Variants in SLC3A1 observed in about 807,000 individuals in gnomAD.
SLC3A1 encodes solute carrier family 3 member 1.
A neutral mutation model predicts 60.3 loss-of-function variants in SLC3A1; 78 were observed. That is an observed-to-expected ratio of 1.29 (90% CI 1.08 to 1.56). The LOEUF is 1.56. SLC3A1 is among the 40% of genes most tolerant of loss of function. The probability of loss-of-function intolerance (pLI) is 0.00; values close to 1 mark genes in which losing one functional copy is unlikely to be tolerated. For missense variants in SLC3A1, 1,172 were observed against 858.9 expected (o/e 1.36, Z -4.56); for synonymous variants, 392 against 307.9 (o/e 1.27, Z -2.86).
In SLC3A1 at chr2:44,313,341, A is replaced by T. The variant is rs146503844; in HGVS notation, c.1501-494A>T. On this transcript the variant is annotated intron_variant, in intron 8 of 9. Coordinates refer to ENST00000260649, the MANE Select transcript of SLC3A1 (RefSeq NM_000341.4). ...CCTAGTTAGCTTTCAACTATATGAGATCCAATTTCCCTAATATTTGATTAA... is the reference window on the plus strand; with the variant it reads ...CCTAGTTAGCTTTCAACTATATGAGTTCCAATTTCCCTAATATTTGATTAA... Among the ~76,000 whole-genome samples, 438 of 152,200 alleles carry T rather than the reference A, an allele frequency of 2.9e-3. 2 individuals are homozygous for T. Among genetic ancestry groups the T allele is most frequent in the Non-Finnish European group, 3.9e-3 (265 of 68,006 alleles).
At chr2:44,299,564 G>T (rs1401229724) in intron 4 of SLC3A1, among the ~76,000 whole-genome samples, 1 of 152,132 alleles carries the variant, frequency 6.6e-6, no homozygotes, top group Non-Finnish European at 1.5e-5. Flanking sequence ...ATTGAACAAT[G>T]TGTTATTTTC....
At chr2:44,289,335 C>T (rs1558457331) in intron 4 of SLC3A1, among the ~76,000 whole-genome samples, 1 of 149,402 alleles carries the variant, frequency 6.7e-6, no homozygotes, top group Non-Finnish European at 1.5e-5. Flanking sequence ...CTCAGCCACC[C>T]AAGTAGCTGA....
intron 4 of SLC3A1, among the ~76,000 whole-genome samples, chr2:44,298,377 C>A (rs554861395): frequency 6.8e-6 from 1 of 147,422 alleles, no homozygotes; most frequent in Non-Finnish European, 1.5e-5. Context: ...CCTATCCCTG[C>A]CACTGCCTTT....
chr2:44,304,425 C>CT, intron 7 of SLC3A1, 87 bp downstream of exon 7: 5 of 1,008,692 alleles, frequency 5.0e-6, no homozygotes, highest in South Asian at 1.3e-5. Context: ...ACCTTTGTCT[C>CT]TAAGTGACCA....
Position 44,286,127 on chromosome 2 carries a change from C to T in SLC3A1, c.861C>T (p.Phe287=). The stretch of plus-strand genomic sequence containing the variant: ...TGAAAGAGCAACCTGATTTAAATTT[C>T]CGCAATCCTGATGTTCAAGAAGAAA... ...QFMKEQPDLN[F]RNPDVQEEIK... is the part of the protein sequence containing the mutation. The change falls in exon 4 of 10, where the codon TTC becomes TTT. Residue 287 remains phenylalanine, a synonymous_variant. Transcript: ENST00000260649. 6.2e-7 allele frequency: 1 copy of T among 1,614,010 alleles called. No individual in the cohort carries two copies. Among genetic ancestry groups the T allele is most frequent in the South Asian group, 1.1e-5 (1 of 91,076 alleles).
At chr2:44,300,688 C>T (rs1403825417) in intron 5 of SLC3A1, among the ~76,000 whole-genome samples, 1 of 151,264 alleles carries the variant, frequency 6.6e-6, no homozygotes, top group Non-Finnish European at 1.5e-5. Context: ...CCACTAAGAT[C>T]TTTTTTTTTG....
chr2:44,290,567 C>A (rs1387858259), intron 4 of SLC3A1, among the ~76,000 whole-genome samples: 1 of 152,010 alleles, frequency 6.6e-6, no homozygotes, highest in African/African-American at 2.4e-5. Context: ...CATGAGATGT[C>A]TTTCCATTTA....
chr2:44,292,405 C>G (rs13387773), intron 4 of SLC3A1, among the ~76,000 whole-genome samples: 4,204 of 152,228 alleles, frequency 0.028, 193 homozygotes, highest in African/African-American at 0.094. Context: ...CTATGCCAGG[C>G]ACTTTATTAT....
At chr2:44,300,501 T>A (rs1458859500) in intron 5 of SLC3A1, among the ~76,000 whole-genome samples, 1 of 152,110 alleles carries the variant, frequency 6.6e-6, no homozygotes, top group African/African-American at 2.4e-5. Flanking sequence ...GACATAGAAA[T>A]GAGACACTGA....
rs145696581 is a variant in SLC3A1, at chr2:44,309,721, C to G, written c.1333-2865C>G. 2.6e-5 allele frequency among the ~76,000 whole-genome samples: 4 copies of G among 152,270 alleles called. No homozygotes were observed. The East Asian group carries it at 7.7e-4, about 29-fold the overall frequency. On this transcript the variant is annotated intron_variant, in intron 7 of 9. Transcript: ENST00000260649. ...TCAAGCAATTCTTATGCCTTAGCCT[C>G]CTGTGTAGCTTGGATTACAGGCATG...
chr2:44,290,635 T>C (rs1671721246), intron 4 of SLC3A1, among the ~76,000 whole-genome samples: 1 of 152,188 alleles, frequency 6.6e-6, no homozygotes, highest in African/African-American at 2.4e-5. Flanking sequence ...GTACATGTCT[T>C]GTACTTCTTT....
At chr2:44,303,727 C>A (rs962143411) in intron 6 of SLC3A1, 1 of 326,312 alleles carries the variant, frequency 3.1e-6, no homozygotes, top group South Asian at 3.2e-5. Flanking sequence ...CTATCCTTCC[C>A]TTAGCCCCCC....
At chr2:44,284,851 T>C (rs1210541095) in intron 3 of SLC3A1, among the ~76,000 whole-genome samples, 2 of 152,188 alleles carry the variant, frequency 1.3e-5, no homozygotes, top group East Asian at 3.9e-4. Flanking sequence ...TGGCATGAGC[T>C]ACCATGCCCA....
At chr2:44,303,539 C>A (rs879636227) in intron 6 of SLC3A1, among the ~76,000 whole-genome samples, 1 of 122,536 alleles carries the variant, frequency 8.2e-6, no homozygotes, top group Non-Finnish European at 1.7e-5. Context: ...ACCTGGCACC[C>A]AAATGTGTTT....
chr2:44,281,331 A>G, intron 2 of SLC3A1, 56 bp from the exon 3 acceptor site: 3 of 1,482,036 alleles, frequency 2.0e-6, no homozygotes, highest in Non-Finnish European at 1.9e-6. Flanking sequence ...CTGGCCTGTC[A>G]TATGTTATTC....
chr2:44,295,765 G>A (rs964810457), intron 4 of SLC3A1, among the ~76,000 whole-genome samples: 3 of 152,164 alleles, frequency 2.0e-5, no homozygotes, highest in African/African-American at 7.2e-5. Flanking sequence ...GGAAATCAGT[G>A]CCCAAAAGCT....
chr2:44,306,105 G>C (rs1672150195), intron 7 of SLC3A1, among the ~76,000 whole-genome samples: 1 of 152,152 alleles, frequency 6.6e-6, no homozygotes, highest in Admixed American at 6.5e-5. Context: ...TTCGTATGCA[G>C]TTCAGCGACT....
Position 44,321,455 on chromosome 2 carries a change from A to G in SLC3A1, c.*816A>G. 1 of 1,609,350 alleles carries G rather than the reference A, an allele frequency of 6.2e-7. No homozygotes were observed. Among genetic ancestry groups the G allele is most frequent in the South Asian group, 1.1e-5 (1 of 90,752 alleles). ...TAATTTGGGCTGTAATCTAAAAGAAACACATTAAAAAAATTAAATAGAAGG... is the reference window on the plus strand; with the variant it reads ...TAATTTGGGCTGTAATCTAAAAGAAGCACATTAAAAAAATTAAATAGAAGG... On this transcript the variant is annotated 3_prime_UTR_variant, in exon 10 of 10. Coordinates refer to ENST00000260649, the MANE Select transcript of SLC3A1 (RefSeq NM_000341.4).
At chr2:44,308,715 T>C (rs896798311) in intron 7 of SLC3A1, among the ~76,000 whole-genome samples, 7 of 152,034 alleles carry the variant, frequency 4.6e-5, no homozygotes, top group Non-Finnish European at 7.4e-5. Context: ...TAATAGTTTA[T>C]TGTGAATTCC....
Sources: gnomAD v4.1 joint callset for allele counts (sites outside exome capture counted in the v4.1 genomes callset) on GRCh38, gnomAD v4.1.1 for gene constraint, MANE v1.5 for transcripts, NCBI Gene and HGNC (gene_info 2026-07-23, HGNC 2026-07-21) for gene names.